Variants in SMG6 observed in about 807,000 individuals in gnomAD.
The protein encoded by SMG6 is telomerase-binding protein EST1A.
In SMG6, 66 loss-of-function variants were observed where a neutral mutation model predicts 142.2. The observed-to-expected ratio is 0.46, with a 90% CI of 0.38 to 0.57. The LOEUF (loss-of-function observed/expected upper bound fraction) is 0.57, where lower values mean the gene tolerates loss of function less well. SMG6 is among the 20% of genes least tolerant of loss of function. The pLI, the probability that SMG6 is intolerant of heterozygous loss-of-function variation, is 0.00. For missense variants in SMG6, 1,793 were observed against 1,832.0 expected (o/e 0.98, Z 0.39); for synonymous variants, 779 against 702.4 (o/e 1.11, Z -1.72).
At chr17:2,241,100 T>A (rs942005691) in intron 9 of SMG6, among the ~76,000 whole-genome samples, 8 of 152,182 alleles carry the variant, frequency 5.3e-5, no homozygotes, top group Non-Finnish European at 1.0e-4. Context: ...GGGAGTGTAG[T>A]GCCTAGAATC....
At chr17:2,277,160 TA>T (rs1480576995) in intron 8 of SMG6, among the ~76,000 whole-genome samples, 14,044 of 76,954 alleles carry the variant, frequency 0.18, 1,071 homozygotes, top group African/African-American at 0.28. Flanking sequence ...TTTATTTATT[TA>T]TTTATTTTTT....
At chr17:2,186,865 T>A (rs552558800) in intron 11 of SMG6, 34 bp from the exon 12 acceptor site, 1 of 1,607,970 alleles carries the variant, frequency 6.2e-7, no homozygotes, top group East Asian at 2.2e-5. Context: ...TGGGCCTATG[T>A]CTGCTGTAGC....
rs146871659 is a variant in SMG6 at position 2,251,958 on chromosome 17, G to A, written c.2662-7239C>T. On this transcript the variant is annotated intron_variant, in intron 8 of 18. Coordinates refer to ENST00000263073, the MANE Select transcript of SMG6 (RefSeq NM_017575.5). Reference sequence around the variant, plus strand: ...CTCTACTAAAAATACAAAATTAGCCGGGCGTGGTGGCTCATGCCTGTAATC... The same window carrying A: ...CTCTACTAAAAATACAAAATTAGCCAGGCGTGGTGGCTCATGCCTGTAATC... Among the ~76,000 whole-genome samples, 140 of 151,982 alleles carry A rather than the reference G, an allele frequency of 9.2e-4. No individual in the cohort carries two copies. In the East Asian group the frequency reaches 0.019, roughly 21 times the overall value.
rs1290005014 is a variant in SMG6, at chr17:2,230,320, AAAAAAAAAAAAAAAAAG to A, written c.2869+6155_2869+6171del. Among the ~76,000 whole-genome samples, 43 of 116,276 alleles carry A rather than the reference AAAAAAAAAAAAAAAAAG, an allele frequency of 3.7e-4. 2 individuals carry two copies. Among genetic ancestry groups the A allele is most frequent in the African/African-American group, 8.9e-4 (27 of 30,174 alleles). The allele number at this position is 116,276 out of a possible 152,430, so 76.3% of individuals were successfully genotyped here. On this transcript the variant is annotated intron_variant, in intron 10 of 18. Transcript: ENST00000263073. Reference sequence around the variant, plus strand: ...CATGTCGGGGCAAAAAAAAAAAAAAAAAAAAAAAAAAAAAAAGGGAAAACCACAAACAATCAAATTGA... The same window carrying A: ...CATGTCGGGGCAAAAAAAAAAAAAAAGGAAAACCACAAACAATCAAATTGA...
At chr17:2,140,965 A>G (rs965651113) in intron 13 of SMG6, among the ~76,000 whole-genome samples, 1 of 152,222 alleles carries the variant, frequency 6.6e-6, no homozygotes, top group Admixed American at 6.5e-5. Context: ...GTAGGGCCTA[A>G]AACATTACAA....
Position 2,299,470 on chromosome 17 carries a change from G to T in SMG6, c.1283C>A (p.Ala428Glu). The part of the protein sequence containing the change: ...SVNSAGSPES[A>E]PLGPRLLFGS... ...AAACAAAAGCCGAGGTCCCAAAGGC[G>T]CGGACTCTGGAGAACCTGCTGAATT... Residue 428 changes from alanine (A) to glutamate (E), a missense_variant, in exon 2 of 19, where the codon GCG becomes GAG. Ala to Glu is a moderately radical substitution (Grantham distance 107). Coordinates refer to ENST00000263073, the MANE Select transcript of SMG6 (RefSeq NM_017575.5). This position sits in a 1 kb window ranked among gnomAD's most constrained non-coding sequence, Gnocchi z 4.3. The T allele has an allele frequency of 3.7e-6, 6 of 1,614,156 alleles. No individual in the cohort carries two copies. The highest frequency in any genetic ancestry group is 5.1e-6 in the Non-Finnish European group (6 of 1,180,028).
At chr17:2,095,851 T>TC (rs2068842817) in intron 13 of SMG6, among the ~76,000 whole-genome samples, 1 of 27,752 alleles carries the variant, frequency 3.6e-5, no homozygotes, top group Middle Eastern at 0.019. Flanking sequence ...CACCCACCCC[T>TC]CCCCCCAAAG....
At chr17:2,286,512 C>G (rs147852553) in intron 6 of SMG6, among the ~76,000 whole-genome samples, 6 of 152,234 alleles carry the variant, frequency 3.9e-5, no homozygotes, top group Admixed American at 6.5e-5. Context: ...AAAGAGCAGT[C>G]TCTTCAACAA....
At chr17:2,297,502 A>G (rs2075168936) in intron 3 of SMG6, 149 bp from the exon 4 acceptor site, 1 of 631,282 alleles carries the variant, frequency 1.6e-6, no homozygotes, top group South Asian at 2.0e-5. Flanking sequence ...CTGGCCACCA[A>G]TTTGAGAACA....
intron 13 of SMG6, among the ~76,000 whole-genome samples, chr17:2,093,200 A>G (rs2068769841): frequency 6.6e-6 from 1 of 152,010 alleles, no homozygotes; most frequent in Admixed American, 6.6e-5. Context: ...TTGCAAAAAA[A>G]AAAAAAAAGA....
chr17:2,112,573 G>C (rs1034558872), intron 13 of SMG6, among the ~76,000 whole-genome samples: 2 of 146,536 alleles, frequency 1.4e-5, no homozygotes, highest in African/African-American at 2.5e-5. Context: ...ATAAATAAAA[G>C]GCAATGGTCT....
intron 13 of SMG6, among the ~76,000 whole-genome samples, chr17:2,165,563 A>G (rs1418667265): frequency 2.6e-5 from 4 of 152,200 alleles, no homozygotes; most frequent in African/African-American, 9.7e-5. Flanking sequence ...TGGATTTTAG[A>G]GTCTTTTGTA....
intron 13 of SMG6, among the ~76,000 whole-genome samples, chr17:2,118,168 G>A (rs2069565360): frequency 2.0e-5 from 3 of 152,078 alleles, no homozygotes; most frequent in Admixed American, 2.0e-4. Flanking sequence ...ACTTGAGCCT[G>A]GGAGGTTGAG....
chr17:2,234,428 A>AT (rs1555561859), intron 10 of SMG6, among the ~76,000 whole-genome samples: 2 of 151,186 alleles, frequency 1.3e-5, no homozygotes, highest in Non-Finnish European at 2.9e-5. Flanking sequence ...AGCGCAGCTA[A>AT]TTTTTGGTAT....
chr17:2,076,192 T>C (rs891763428), intron 15 of SMG6, among the ~76,000 whole-genome samples: 1 of 152,248 alleles, frequency 6.6e-6, no homozygotes, highest in African/African-American at 2.4e-5. Context: ...TTGCCACATC[T>C]GTGAGAGGCG....
intron 8 of SMG6, chr17:2,280,660 G>C (rs1036377171): frequency 9.5e-6 from 8 of 841,774 alleles, no homozygotes; most frequent in Non-Finnish European, 1.1e-5. Flanking sequence ...AGTTACCCAA[G>C]GATGATGTAC....
chr17:2,108,178 A>G (rs751897195), intron 13 of SMG6, among the ~76,000 whole-genome samples: 11 of 152,206 alleles, frequency 7.2e-5, no homozygotes, highest in Non-Finnish European at 1.3e-4. Context: ...AATTACAGAA[A>G]ACAGCTATAG....
chr17:2,249,626 C>CA (rs1178769047), intron 8 of SMG6, among the ~76,000 whole-genome samples: 20 of 152,126 alleles, frequency 1.3e-4, no homozygotes, highest in Admixed American at 1.0e-3. Context: ...GCCTGGCAGA[C>CA]TTTTTTCATT....
At chr17:2,125,704 G>C (rs879753734) in intron 13 of SMG6, among the ~76,000 whole-genome samples, 4 of 152,158 alleles carry the variant, frequency 2.6e-5, no homozygotes, top group Non-Finnish European at 5.9e-5. Context: ...AGTAGTCCCA[G>C]CACTCTGGGA....
Sources: allele counts gnomAD v4.1 joint callset (sites outside exome capture counted in the v4.1 genomes callset), GRCh38; gene constraint gnomAD v4.1.1; non-coding constraint Gnocchi (gnomAD v3.1); transcripts MANE v1.5; gene names NCBI Gene and HGNC (gene_info 2026-07-23, HGNC 2026-07-21).